Variants in FOCAD observed in about 807,000 individuals in gnomAD.
FOCAD encodes focadhesin.
Under a neutral mutation model 225.6 loss-of-function variants are expected in FOCAD, and 198 were observed. That is an observed-to-expected ratio of 0.88 (90% CI 0.78 to 0.99). FOCAD has a LOEUF of 0.99. Ranked by LOEUF, FOCAD falls within the 50% of genes least tolerant of loss-of-function variation. FOCAD has a pLI of 0.00. For missense variants in FOCAD, 2,713 were observed against 2,123.6 expected (o/e 1.28, Z -5.46); for synonymous variants, 897 against 755.0 (o/e 1.19, Z -3.08).
intron 11 of FOCAD, among the ~76,000 whole-genome samples, chr9:20,817,225 T>C (rs979219639): frequency 3.9e-5 from 6 of 152,208 alleles, no homozygotes; most frequent in African/African-American, 1.4e-4. Flanking sequence ...ACATCTCATG[T>C]AATTCATCCA....
chr9:20,947,558 C>T (rs975413507), intron 30 of FOCAD, among the ~76,000 whole-genome samples: 1 of 151,902 alleles, frequency 6.6e-6, no homozygotes, highest in Non-Finnish European at 1.5e-5. Flanking sequence ...GGGAAAGATT[C>T]TGGAGATGGA....
intron 15 of FOCAD, among the ~76,000 whole-genome samples, chr9:20,848,139 C>A (rs1448160241): frequency 6.6e-6 from 1 of 150,920 alleles, no homozygotes; most frequent in Non-Finnish European, 1.5e-5. Flanking sequence ...GGTATGGAAT[C>A]CTTCAGATGA....
chr9:20,862,135 A>G lies in FOCAD; in HGVS notation c.1921-443A>G, dbSNP rs184326262. ...TTTGATTTATATATATTAATACTCC[A>G]ATTTTCTGAGTGGTGATATTGTTTC... On this transcript the variant is annotated intron_variant, in intron 15 of 43. Coordinates refer to ENST00000338382, the MANE Select transcript of FOCAD (RefSeq NM_001375567.1). Among the ~76,000 whole-genome samples the G allele has an allele frequency of 8.1e-3, 1,238 of 152,222 alleles. 9 individuals are homozygous for G. Among genetic ancestry groups the G allele is most frequent in the Middle Eastern group, 0.024 (7 of 292 alleles).
chr9:20,809,781 C>G (rs150615000), intron 11 of FOCAD, among the ~76,000 whole-genome samples: 1 of 152,094 alleles, frequency 6.6e-6, no homozygotes, highest in Non-Finnish European at 1.5e-5. Context: ...GTTGTGTCAT[C>G]AAAGCTTAAC....
intron 4 of FOCAD, among the ~76,000 whole-genome samples, chr9:20,725,594 C>T (rs776387733): frequency 6.6e-6 from 1 of 152,166 alleles, no homozygotes; most frequent in African/African-American, 2.4e-5. Flanking sequence ...TCTCTTCCAG[C>T]CTTATAACTT....
At chr9:20,986,975 C>A (rs542084621) in intron 40 of FOCAD, among the ~76,000 whole-genome samples, 2 of 152,148 alleles carry the variant, frequency 1.3e-5, no homozygotes, top group Admixed American at 1.3e-4. Flanking sequence ...AATTTTTAGA[C>A]CGTTTTAGAC....
intron 5 of FOCAD, among the ~76,000 whole-genome samples, chr9:20,744,202 C>G (rs982301378): frequency 3.3e-5 from 5 of 152,122 alleles, no homozygotes; most frequent in African/African-American, 1.2e-4. Context: ...TGAACATCCT[C>G]TTAGAAACTG....
chr9:20,687,515 C>A (rs1050665615), intron 1 of FOCAD, among the ~76,000 whole-genome samples: 2 of 152,182 alleles, frequency 1.3e-5, no homozygotes, highest in African/African-American at 4.8e-5. Flanking sequence ...TTCTTAAGTT[C>A]TACTCTATTT....
intron 35 of FOCAD, among the ~76,000 whole-genome samples, chr9:20,974,368 C>A (rs1385339514): frequency 9.9e-6 from 1 of 100,902 alleles, no homozygotes; most frequent in Admixed American, 1.1e-4. Flanking sequence ...TTCCTGCTGA[C>A]TCTTGCTTCC....
At chr9:20,802,042 GT>G in intron 11 of FOCAD, among the ~76,000 whole-genome samples, 1 of 152,142 alleles carries the variant, frequency 6.6e-6, no homozygotes, top group Admixed American at 6.5e-5. Context: ...ATGTAATGAA[GT>G]TGGGCACTCA....
chr9:20,873,154 C>G (rs570161596), intron 18 of FOCAD, among the ~76,000 whole-genome samples: 1 of 151,994 alleles, frequency 6.6e-6, no homozygotes, highest in Non-Finnish European at 1.5e-5. Flanking sequence ...TTTGCATGAT[C>G]ATATATTTTC....
At chr9:20,766,432 C>T (rs573690562) in intron 7 of FOCAD, among the ~76,000 whole-genome samples, 71 of 152,294 alleles carry the variant, frequency 4.7e-4, no homozygotes, top group Middle Eastern at 6.8e-3. Flanking sequence ...TGAAACATGA[C>T]TATCTCATGG....
Position 20,785,784 on chromosome 9 carries a change from C to G in FOCAD, c.1198-3567C>G, listed in dbSNP as rs193249912. Among the ~76,000 whole-genome samples, 3 of 152,274 alleles carry G rather than the reference C, an allele frequency of 2.0e-5. No homozygotes were observed. In the East Asian group the frequency reaches 5.8e-4, roughly 29 times the overall value. On this transcript the variant is annotated intron_variant, in intron 10 of 43. Transcript: ENST00000338382. ...GAGTAGATACCGAGGAGTACAACTG[C>G]TAGGTAAGGTGATAACTCTATGTTT...
intron 18 of FOCAD, 122 bp downstream of exon 18, chr9:20,867,134 G>A (rs934119759): frequency 3.4e-6 from 2 of 588,796 alleles, no homozygotes; most frequent in African/African-American, 1.9e-5. Context: ...TGTTGTCCAT[G>A]CAAGATACAA....
intron 2 of FOCAD, among the ~76,000 whole-genome samples, chr9:20,672,455 T>C (rs1217369833): frequency 6.6e-6 from 1 of 152,152 alleles, no homozygotes. Flanking sequence ...ATTATTATTA[T>C]TATTATTATT....
intron 28 of FOCAD, among the ~76,000 whole-genome samples, chr9:20,937,067 T>C (rs545811193): frequency 2.0e-5 from 3 of 149,596 alleles, no homozygotes; most frequent in East Asian, 2.0e-4. Context: ...CACTGCTCAA[T>C]GAAATAAAAG....
intron 1 of FOCAD, among the ~76,000 whole-genome samples, chr9:20,708,180 A>G (rs1363755501): frequency 6.6e-6 from 1 of 152,206 alleles, no homozygotes; most frequent in East Asian, 1.9e-4. Flanking sequence ...AGTGCCCATC[A>G]GCTTTTCTAT....
chr9:20,664,060 T>C (rs1001917985), intron 2 of FOCAD, among the ~76,000 whole-genome samples: 1 of 152,100 alleles, frequency 6.6e-6, no homozygotes, highest in Non-Finnish European at 1.5e-5. Context: ...AGTGAAAATA[T>C]CAGCATTGTT....
intron 40 of FOCAD, among the ~76,000 whole-genome samples, chr9:20,987,138 G>C (rs1412204239): frequency 6.6e-6 from 1 of 152,136 alleles, no homozygotes; most frequent in Non-Finnish European, 1.5e-5. Context: ...TGCGACTCTG[G>C]ACAAATTGCT....
Sources: gnomAD v4.1 joint callset for allele counts (sites outside exome capture counted in the v4.1 genomes callset) on GRCh38, gnomAD v4.1.1 for gene constraint, MANE v1.5 for transcripts, NCBI Gene and HGNC (gene_info 2026-07-23, HGNC 2026-07-21) for gene names.